RND1: variants seen among roughly 807,000 people sequenced by gnomAD.
The protein encoded by RND1 is Rho family GTPase 1.
A neutral mutation model predicts 27.1 loss-of-function variants in RND1; 9 were observed. The observed-to-expected ratio is 0.33, with a 90% confidence interval of 0.20 to 0.58. The LOEUF is 0.58. Among genes scored for constraint, RND1 ranks in the 20% least tolerant of loss-of-function variants. RND1 has a pLI of 0.86. For synonymous variants in RND1, 108 were observed against 115.7 expected, an observed-to-expected ratio of 0.93 and a Z score of 0.43; for missense variants, 253 against 292.2, an observed-to-expected ratio of 0.87 and a Z score of 0.98.
chr12:48,864,209 C>T (rs77410805), intron 2 of RND1, among the ~76,000 whole-genome samples: 6,407 of 152,128 alleles, frequency 0.042, 208 homozygotes, highest in Non-Finnish European at 0.061. Context: ...AGCGGTGTGA[C>T]GAGTGGGGCT....
Position 48,865,805 on chromosome 12 carries a change from A to G in RND1, c.-38T>C. The G allele has an allele frequency of 6.4e-7, 1 of 1,552,338 alleles. No homozygotes were observed. The highest frequency in any genetic ancestry group is 1.2e-5 in the South Asian group (1 of 82,134). ...CGCGGGACTTGAACTTCGATTCAGA[A>G]GGGAGGGTTGCGCCAGGTGCGTCTC... On this transcript the variant is annotated 5_prime_UTR_variant, in exon 1 of 5. Transcript: ENST00000309739.
rs747860800 is a variant in RND1 at position 48,862,102 on chromosome 12, A to T, written c.225T>A (p.Asp75Glu). ...CGCTGTAGCAGAGTGGACGGACATT[A>T]TCGTAGTAGGGAGATCCTGGTGTAG... ...LWDTSGSPYY[D>E]NVRPLCYSDS... Residue 75 changes from aspartate (D) to glutamate (E), a missense_variant, in exon 3 of 5, where the codon GAT becomes GAA. Coordinates refer to ENST00000309739, the MANE Select transcript of RND1 (RefSeq NM_014470.4). The T allele has an allele frequency of 1.9e-6, 3 of 1,610,544 alleles. No individual in the cohort carries two copies. The highest frequency in any genetic ancestry group is 1.1e-5 in the South Asian group (1 of 90,976).
Position 48,862,095 on chromosome 12 carries a change from G to A in RND1, c.232C>T (p.Arg78Cys), listed in dbSNP as rs1414211040. The A allele has an allele frequency of 1.9e-6, 3 of 1,611,452 alleles. No individual in the cohort carries two copies. Among genetic ancestry groups the A allele is most frequent in the Non-Finnish European group, 2.5e-6 (3 of 1,177,810 alleles). ...TCCGAGTCGCTGTAGCAGAGTGGAC[G>A]GACATTATCGTAGTAGGGAGATCCT... ...TSGSPYYDNV[R>C]PLCYSDSDAV... The change falls in exon 3 of 5, where the codon CGT (arginine) becomes TGT (cysteine). Residue 78 changes from arginine to cysteine, a missense_variant. Physicochemically the swap from Arg to Cys is radical, Grantham distance 180. Transcript: ENST00000309739.
intron 2 of RND1, among the ~76,000 whole-genome samples, chr12:48,863,469 G>A (rs983914078): frequency 5.3e-5 from 8 of 152,034 alleles, no homozygotes; most frequent in African/African-American, 9.7e-5. Context: ...AAAGAGATGA[G>A]CTGCAGTAAG....
chr12:48,864,967 G>A lies in RND1; in HGVS notation c.121-97C>T. ...ACGCACTCACCAGAGAGACAGTAAA[G>A]TCACAGGAGACAAGAAACCAGAGGA... On this transcript the variant is annotated intron_variant, in intron 1 of 4. Coordinates refer to ENST00000309739, the MANE Select transcript of RND1 (RefSeq NM_014470.4). 3 of 925,750 alleles carry A rather than the reference G, an allele frequency of 3.2e-6. No individual in the cohort carries two copies. In the South Asian group the frequency reaches 3.9e-5, roughly 12 times the overall value. 57.3% of individuals were successfully genotyped at this position (925,750 alleles called of 1,614,324 possible). A position where few individuals can be genotyped will look rare whatever the true frequency, so the allele number is the denominator to read the frequency against.
intron 3 of RND1, 86 bp downstream of exon 3, chr12:48,861,923 T>C: frequency 5.0e-6 from 4 of 793,944 alleles, no homozygotes; most frequent in South Asian, 4.3e-5. Context: ...TTCTTGATGT[T>C]ATACAAGAGG....
Position 48,861,087 on chromosome 12 carries a change from C to T in RND1, c.363G>A (p.Leu121=). 6.2e-7 allele frequency: 1 copy of T among 1,613,988 alleles called. No individual in the cohort carries two copies. The highest frequency in any genetic ancestry group is 1.1e-5 in the South Asian group (1 of 91,070). Residue 121 remains leucine, a synonymous_variant, in exon 4 of 5, where the codon TTG becomes TTA. Transcript: ENST00000309739. ...ILDYCPSTRV[L]LIGCKTDLRT... is the part of the protein sequence containing the mutation. ...GCAGGTCTGTCTTGCAGCCAATGAGCAAAACGCGGGTGCTGGGACAATAAT... is the reference window on the plus strand; with the variant it reads ...GCAGGTCTGTCTTGCAGCCAATGAGTAAAACGCGGGTGCTGGGACAATAAT...
intron 4 of RND1, chr12:48,859,017 GGC>G (rs1938881997): frequency 6.8e-6 from 1 of 147,120 alleles, no homozygotes; most frequent in African/African-American, 2.5e-5. Context: ...GGAGTGCAGT[GGC>G]GCGATCTCGG....
chr12:48,859,868 C>A (rs888467604), intron 4 of RND1, among the ~76,000 whole-genome samples: 2 of 152,154 alleles, frequency 1.3e-5, no homozygotes, highest in African/African-American at 4.8e-5. Flanking sequence ...CTAGGCAGAT[C>A]ACACTTTTTT....
intron 2 of RND1, 140 bp downstream of exon 2, chr12:48,864,643 A>G (rs1938963165): frequency 5.7e-6 from 4 of 703,610 alleles, no homozygotes. Context: ...ACCAACTGTC[A>G]GCCCTCCCCA....
chr12:48,865,751 G>C lies in RND1; in HGVS notation c.17C>G (p.Ala6Gly). ...ACATCTGGCCACGACTGGCTGGGGG[G>C]CCCGTCTCTCCTTCATGGTTGCAGT... is the stretch of plus-strand genomic sequence containing the variant. MKERRAPQPVVARCKL... is the reference protein window; with the variant it reads MKERRGPQPVVARCKL... The change falls in exon 1 of 5, where the codon GCC becomes GGC. Residue 6 changes from alanine to glycine, a missense_variant. Transcript: ENST00000309739. The C allele has an allele frequency of 1.2e-6, 2 of 1,604,608 alleles. No homozygotes were observed. Among genetic ancestry groups the C allele is most frequent in the South Asian group, 2.2e-5 (2 of 90,362 alleles).
intron 1 of RND1, 108 bp from the exon 2 acceptor site, chr12:48,864,978 CAAG>C: frequency 1.2e-6 from 1 of 860,578 alleles, no homozygotes; most frequent in Non-Finnish European, 2.0e-6. Context: ...TCACAGGAGA[CAAG>C]AAACCAGAGG....
chr12:48,861,045 A>G lies in RND1; in HGVS notation c.405T>C (p.Thr135=). The change falls in exon 4 of 5, where the codon ACT becomes ACC. Residue 135 remains threonine, a synonymous_variant. Coordinates refer to ENST00000309739, the MANE Select transcript of RND1 (RefSeq NM_014470.4). ...CKTDLRTDLS[T]LMELSHQKQA... ...GCTTCTGGTGGGACAGCTCCATCAG[A>G]GTACTCAGGTCTGTTCGCAGGTCTG... 2.5e-6 allele frequency: 4 copies of G among 1,614,102 alleles called. No homozygotes were observed. The highest frequency in any genetic ancestry group is 3.4e-6 in the Non-Finnish European group (4 of 1,180,040).
In RND1 at chr12:48,861,931, AG is replaced by A; in HGVS notation, c.318+77del. 4 of 827,570 alleles carry A rather than the reference AG, an allele frequency of 4.8e-6. No homozygotes were observed. The Admixed American group carries it at 7.6e-5, about 16-fold the overall frequency. The allele number at this position is 827,570 out of a possible 1,614,324, so 51.3% of individuals were successfully genotyped here. A position where few individuals can be genotyped will look rare whatever the true frequency, so the allele number is the denominator to read the frequency against. ...CTTCCATTTCTTGATGTTATACAAG[AG>A]GGCATTCATGACAAGGTCCCGATTC... is the stretch of plus-strand genomic sequence containing the variant. On this transcript the variant is annotated intron_variant, in intron 3 of 4. Coordinates refer to ENST00000309739, the MANE Select transcript of RND1 (RefSeq NM_014470.4).
At chr12:48,858,406 T>TTTG in intron 4 of RND1, 165 bp from the exon 5 acceptor site, 1 of 699,560 alleles carries the variant, frequency 1.4e-6, no homozygotes, top group Non-Finnish European at 2.2e-6. Context: ...TTTTTTTTTT[T>TTTG]TGGCATACAC....
At chr12:48,859,696 C>T (rs771354228) in intron 4 of RND1, among the ~76,000 whole-genome samples, 9 of 152,206 alleles carry the variant, frequency 5.9e-5, no homozygotes, top group Non-Finnish European at 1.2e-4. Context: ...AGAACAACCC[C>T]GGAAACATAC....
chr12:48,862,324 G>A lies in RND1; in HGVS notation c.209-206C>T, dbSNP rs534983395. ...ATCATCCCCCTTAGTCCAGAAAAAG[G>A]GAAAGAAGACAAAATAAAGTGGGTG... On this transcript the variant is annotated intron_variant, in intron 2 of 4. Coordinates refer to ENST00000309739, the MANE Select transcript of RND1 (RefSeq NM_014470.4). 6 of 494,662 alleles carry A rather than the reference G, an allele frequency of 1.2e-5. No homozygotes were observed. The South Asian group carries it at 1.7e-4, about 14-fold the overall frequency. 30.6% of individuals were successfully genotyped at this position (494,662 alleles called of 1,614,324 possible).
rs1938863511 is a variant in RND1, at chr12:48,857,787, CT to C, written c.*208del. ...GCCCCCTCCAAAATCTAGTGCCTGGCTTGGGGTATGATGGTTCTCTCTCAGC... is the reference window on the plus strand; with the variant it reads ...GCCCCCTCCAAAATCTAGTGCCTGGCTGGGGTATGATGGTTCTCTCTCAGC... On this transcript the variant is annotated 3_prime_UTR_variant, in exon 5 of 5. Transcript: ENST00000309739. 2.1e-6 allele frequency: 1 copy of C among 477,124 alleles called. No homozygotes were observed. Among genetic ancestry groups the C allele is most frequent in the Non-Finnish European group, 3.5e-6 (1 of 283,892 alleles). The allele number at this position is 477,124 out of a possible 1,614,324, so 29.6% of individuals were successfully genotyped here. A position where few individuals can be genotyped will look rare whatever the true frequency, so the allele number is the denominator to read the frequency against.
At chr12:48,858,416 C>A (rs190062034) in intron 4 of RND1, 175 bp from the exon 5 acceptor site, 1 of 639,164 alleles carries the variant, frequency 1.6e-6, no homozygotes, top group Non-Finnish European at 2.5e-6. Flanking sequence ...TTGGCATACA[C>A]CCTGTCTGAT....
Sources: allele counts gnomAD v4.1 joint callset (sites outside exome capture counted in the v4.1 genomes callset), GRCh38; gene constraint gnomAD v4.1.1; transcripts MANE v1.5; gene names NCBI Gene and HGNC (gene_info 2026-07-23, HGNC 2026-07-21).